DDHD1: variants seen among roughly 807,000 people sequenced by gnomAD.
DDHD1 encodes DDHD domain containing 1.
DDHD1 carries 49 observed loss-of-function variants against 96.4 expected under a neutral mutation model. The ratio of observed to expected loss-of-function variants is 0.51; its 90% CI spans 0.40 to 0.64. The LOEUF (loss-of-function observed/expected upper bound fraction) is 0.64, where lower values mean the gene tolerates loss of function less well. DDHD1 is among the 30% of genes least tolerant of loss of function. The pLI is 0.00. For synonymous variants in DDHD1, 442 were observed against 446.5 expected (o/e 0.99, Z 0.13); for missense variants, 1,106 against 1,161.2 (o/e 0.95, Z 0.69).
At chr14:53,048,318 TTAAC>T (rs1391885802) in intron 12 of DDHD1, among the ~76,000 whole-genome samples, 1 of 152,002 alleles carries the variant, frequency 6.6e-6, no homozygotes, top group Non-Finnish European at 1.5e-5. Flanking sequence ...ACATGGGCTT[TTAAC>T]TAAGTTTTTT....
At chr14:53,096,920 A>G (rs1041111443) in intron 2 of DDHD1, among the ~76,000 whole-genome samples, 33 of 152,074 alleles carry the variant, frequency 2.2e-4, no homozygotes, top group Non-Finnish European at 2.9e-4. Flanking sequence ...AGCACTAAAC[A>G]GACAACATAG....
Position 53,094,843 on chromosome 14 carries a change from C to CAA in DDHD1, c.1013-1401_1013-1400dup, listed in dbSNP as rs35080055. Among the ~76,000 whole-genome samples, 725 of 141,270 alleles carry CAA rather than the reference C, an allele frequency of 5.1e-3. 4 individuals carry two copies. The highest frequency in any genetic ancestry group is 6.7e-3 in the South Asian group (29 of 4,332). 92.7% of individuals were successfully genotyped at this position (141,270 alleles called of 152,430 possible). A position where few individuals can be genotyped will look rare whatever the true frequency, so the allele number is the denominator to read the frequency against. ...TGGGCAACACAGAGAGATCCTGTCT[C>CAA]AAAAAAAAAAAAAAAATCAGTATGG... is the stretch of plus-strand genomic sequence containing the variant. On this transcript the variant is annotated intron_variant, in intron 2 of 12. Transcript: ENST00000673822.
intron 1 of DDHD1, among the ~76,000 whole-genome samples, chr14:53,106,186 T>C (rs1417214647): frequency 6.6e-6 from 1 of 152,252 alleles, no homozygotes. Flanking sequence ...ATTACATCTA[T>C]GTCCCCAACA....
At chr14:53,061,096 A>T (rs777727307) in intron 8 of DDHD1, 30 bp downstream of exon 8, 73 of 1,583,024 alleles carry the variant, frequency 4.6e-5, no homozygotes, top group Non-Finnish European at 5.8e-5. Flanking sequence ...ACTGAGATCA[A>T]TGTTGAAGAA....
intron 1 of DDHD1, among the ~76,000 whole-genome samples, chr14:53,149,027 C>T (rs1338276670): frequency 2.0e-5 from 3 of 152,160 alleles, no homozygotes; most frequent in Non-Finnish European, 4.4e-5. Context: ...TGTCCACATG[C>T]AGCCAGGAGA....
intron 4 of DDHD1, among the ~76,000 whole-genome samples, chr14:53,078,546 G>A (rs1025373760): frequency 6.6e-6 from 1 of 151,970 alleles, no homozygotes; most frequent in Non-Finnish European, 1.5e-5. Context: ...TCAGATATGT[G>A]GTTTGCTAAT....
intron 1 of DDHD1, among the ~76,000 whole-genome samples, chr14:53,125,726 G>C (rs1378808781): frequency 1.3e-5 from 2 of 148,626 alleles, no homozygotes; most frequent in South Asian, 2.1e-4. Flanking sequence ...TTTTGAGATG[G>C]AATCTCGCCC....
chr14:53,151,431 C>T (rs189372393), intron 1 of DDHD1, among the ~76,000 whole-genome samples: 15 of 152,316 alleles, frequency 9.8e-5, no homozygotes, highest in Admixed American at 7.2e-4. Context: ...TCACCTTCCT[C>T]CTATTCTAAC....
Position 53,091,786 on chromosome 14 carries a change from T to G in DDHD1, c.1288A>C (p.Met430Leu). Residue 430 changes from methionine (M) to leucine (L), a missense_variant and splice_region_variant, in exon 4 of 13, where the codon ATG becomes CTG. Physicochemically the swap from Met to Leu is conservative, Grantham distance 15 (BLOSUM62 2). This residue lies in a region of DDHD1 where 650 missense variants were observed against 758.8 expected (regional missense o/e 0.86). Transcript: ENST00000673822. ...DQGRIIKNTA[M>L]MREAARKIEE... ...CAATGCATTCATCAAAGAACTTACATAGCTGTATTTTTGATAATTCTTCCT... is the reference window on the plus strand; with the variant it reads ...CAATGCATTCATCAAAGAACTTACAGAGCTGTATTTTTGATAATTCTTCCT... 6.2e-7 allele frequency: 1 copy of G among 1,612,712 alleles called. No homozygotes were observed. Among genetic ancestry groups the G allele is most frequent in the South Asian group, 1.1e-5 (1 of 90,890 alleles).
At chr14:53,064,159 G>A (rs1883826284) in intron 6 of DDHD1, among the ~76,000 whole-genome samples, 1 of 152,044 alleles carries the variant, frequency 6.6e-6, no homozygotes, top group Non-Finnish European at 1.5e-5. Context: ...GCTATAATAT[G>A]CTTTGGATTT....
intron 1 of DDHD1, among the ~76,000 whole-genome samples, chr14:53,132,299 C>T (rs1437245976): frequency 6.6e-6 from 1 of 152,094 alleles, no homozygotes; most frequent in African/African-American, 2.4e-5. Context: ...TTCAGGCTGG[C>T]CCCCACGTTA....
At chr14:53,052,943 T>G (rs1882730558) in intron 11 of DDHD1, 1 of 150,360 alleles carries the variant, frequency 6.7e-6, no homozygotes, top group African/African-American at 2.4e-5. Context: ...AAACTGGGGG[T>G]TTCTCTATTA....
At position 53,042,698 on chromosome 14, in the gene DDHD1, T is replaced by A. The variant is rs528571457; in HGVS notation, c.*4070A>T. The stretch of plus-strand genomic sequence containing the variant: ...TTCAGCCAGAGTACCATCAGATTCC[T>A]GGCAGAGGCTTGAGGCACAGGAATG... On this transcript the variant is annotated 3_prime_UTR_variant, in exon 13 of 13. Coordinates refer to ENST00000673822, the MANE Select transcript of DDHD1 (RefSeq NM_001160148.2). The A allele has an allele frequency of 1.6e-4, 24 of 152,342 alleles. No individual in the cohort carries two copies. The highest frequency in any genetic ancestry group is 2.9e-4 in the Non-Finnish European group (20 of 68,032). The allele number at this position is 152,342 out of a possible 1,614,324, so 9.4% of individuals were successfully genotyped here.
chr14:53,101,466 A>C (rs933792508), intron 2 of DDHD1, among the ~76,000 whole-genome samples: 1 of 152,112 alleles, frequency 6.6e-6, no homozygotes, highest in Non-Finnish European at 1.5e-5. Flanking sequence ...GTACATTATA[A>C]AAACAAATTT....
intron 1 of DDHD1, among the ~76,000 whole-genome samples, chr14:53,148,855 C>T (rs548718601): frequency 4.0e-4 from 61 of 152,284 alleles, no homozygotes; most frequent in African/African-American, 1.4e-3. Context: ...GTGAGACCCA[C>T]ATATAGTTAA....
chr14:53,068,148 G>T (rs2139893771), intron 6 of DDHD1, among the ~76,000 whole-genome samples: 1 of 151,726 alleles, frequency 6.6e-6, no homozygotes. Flanking sequence ...TCCAGTACAG[G>T]ATCCAGTTCA....
intron 1 of DDHD1, among the ~76,000 whole-genome samples, chr14:53,141,928 AT>A (rs965355167): frequency 4.6e-5 from 7 of 151,266 alleles, no homozygotes; most frequent in African/African-American, 7.3e-5. Flanking sequence ...TTTACCACGT[AT>A]TTTTTTTTAA....
At chr14:53,104,672 T>C (rs761413783) in intron 1 of DDHD1, among the ~76,000 whole-genome samples, 1 of 152,120 alleles carries the variant, frequency 6.6e-6, no homozygotes, top group Non-Finnish European at 1.5e-5. Flanking sequence ...TGAAACACTA[T>C]TCCTAGAAAC....
At chr14:53,102,920 G>T in intron 2 of DDHD1, 1 of 1,037,940 alleles carries the variant, frequency 9.6e-7, no homozygotes, top group South Asian at 1.6e-5. Flanking sequence ...ATTCAGTAGA[G>T]CTTGCCAAGA....
Sources: gnomAD v4.1 joint callset for allele counts (sites outside exome capture counted in the v4.1 genomes callset) on GRCh38, gnomAD v4.1.1 for gene constraint, gnomAD v4.1.1 regional missense constraint, MANE v1.5 for transcripts, NCBI Gene and HGNC (gene_info 2026-07-23, HGNC 2026-07-21) for gene names.